Variants in RAB38 observed in about 807,000 individuals in gnomAD.
RAB38 encodes the protein RAB38, member RAS oncogene family, also known as ras-related protein Rab-38.
In RAB38, 15 loss-of-function variants were observed where a neutral mutation model predicts 18.4. The ratio of observed to expected loss-of-function variants is 0.82; its 90% CI spans 0.55 to 1.26. The LOEUF (loss-of-function observed/expected upper bound fraction) is 1.26. Ranked by LOEUF, RAB38 falls within the 50% of genes most tolerant of loss-of-function variation. RAB38 has a pLI of 0.00. For missense variants in RAB38, 294 were observed against 267.4 expected, an observed-to-expected ratio of 1.10 and a Z score of -0.69; for synonymous variants, 101 against 104.4, an observed-to-expected ratio of 0.97 and a Z score of 0.20.
At chr11:88,020,475 G>T in the RAB38 span, among the ~76,000 whole-genome samples, 2 of 152,146 alleles carry the variant, frequency 1.3e-5, no homozygotes, top group Admixed American at 1.3e-4. Context: ...TAGAGCTAAA[G>T]AGAAATAGAC....
At chr11:87,938,392 G>A in the RAB38 span, among the ~76,000 whole-genome samples, 1 of 152,048 alleles carries the variant, frequency 6.6e-6, no homozygotes, top group Non-Finnish European at 1.5e-5. Context: ...CCACTGGCTG[G>A]TGGGATGAAC....
chr11:87,811,544 G>C, the RAB38 span, among the ~76,000 whole-genome samples: 19 of 152,050 alleles, frequency 1.2e-4, no homozygotes, highest in African/African-American at 4.3e-4. Flanking sequence ...TTTGCTTGCA[G>C]GGCCCTCTAT....
At chr11:87,878,521 G>A in the RAB38 span, among the ~76,000 whole-genome samples, 2 of 151,454 alleles carry the variant, frequency 1.3e-5, no homozygotes, top group Non-Finnish European at 3.0e-5. Context: ...AAGAGGGAGT[G>A]TTCTATGGTT....
the RAB38 span, among the ~76,000 whole-genome samples, chr11:87,821,663 A>G: frequency 6.6e-6 from 1 of 152,164 alleles, no homozygotes; most frequent in Non-Finnish European, 1.5e-5. Context: ...CAGCCTGGCC[A>G]ACATGACAAA....
chr11:88,047,547 A>G, the RAB38 span, among the ~76,000 whole-genome samples: 83 of 152,188 alleles, frequency 5.5e-4, no homozygotes, highest in Non-Finnish European at 6.2e-4. Flanking sequence ...ACACATCAAT[A>G]TTTATACTGA....
the RAB38 span, among the ~76,000 whole-genome samples, chr11:87,873,241 T>C: frequency 6.6e-6 from 1 of 151,662 alleles, no homozygotes; most frequent in African/African-American, 2.4e-5. Flanking sequence ...GTTATCTGTA[T>C]ATCTTCTTTG....
chr11:87,926,585 T>G, the RAB38 span, among the ~76,000 whole-genome samples: 2 of 151,994 alleles, frequency 1.3e-5, no homozygotes, highest in South Asian at 2.1e-4. Context: ...TGGTAATATA[T>G]GGAAGCTTGA....
At chr11:87,888,270 C>T in the RAB38 span, among the ~76,000 whole-genome samples, 1 of 151,844 alleles carries the variant, frequency 6.6e-6, no homozygotes, top group Non-Finnish European at 1.5e-5. Flanking sequence ...TGGCTAATAG[C>T]AGTTGTAAAA....
the RAB38 span, among the ~76,000 whole-genome samples, chr11:87,868,578 GGAGAGAGA>G: frequency 0.021 from 1,227 of 59,194 alleles, 5 homozygotes; most frequent in African/African-American, 0.051. Flanking sequence ...AAGGAGTGAG[GGAGAGAGA>G]GAGAGAGAGA....
chr11:87,966,291 AT>A, the RAB38 span, among the ~76,000 whole-genome samples: 1 of 152,148 alleles, frequency 6.6e-6, no homozygotes, highest in East Asian at 1.9e-4. Flanking sequence ...CCACAAGAAC[AT>A]TGGATCAAGT....
At chr11:88,068,816 T>A in the RAB38 span, among the ~76,000 whole-genome samples, 1 of 152,244 alleles carries the variant, frequency 6.6e-6, no homozygotes, top group Non-Finnish European at 1.5e-5. Context: ...CTTCATTTGA[T>A]GAAAATAAAT....
chr11:88,048,871 G>A, the RAB38 span, among the ~76,000 whole-genome samples: 1 of 152,048 alleles, frequency 6.6e-6, no homozygotes. Context: ...AACCTCCTTA[G>A]GCACTCTGGT....
At chr11:88,142,868 A>G (rs1565215173) in intron 2 of RAB38, among the ~76,000 whole-genome samples, 1 of 152,236 alleles carries the variant, frequency 6.6e-6, no homozygotes. Flanking sequence ...AACTCACCCA[A>G]CAATTCCATG....
chr11:87,977,530 A>AT, the RAB38 span, among the ~76,000 whole-genome samples: 1 of 97,112 alleles, frequency 1.0e-5, no homozygotes, highest in South Asian at 2.8e-4. Flanking sequence ...TAGATAATAT[A>AT]ATTATATCAT....
chr11:88,128,726 T>G (rs1942734169), intron 2 of RAB38, among the ~76,000 whole-genome samples: 1 of 152,216 alleles, frequency 6.6e-6, no homozygotes, highest in African/African-American at 2.4e-5. Flanking sequence ...AGAGAAATCT[T>G]GAGGAAGGAC....
the RAB38 span, among the ~76,000 whole-genome samples, chr11:87,851,645 G>A: frequency 6.6e-6 from 1 of 152,134 alleles, no homozygotes; most frequent in East Asian, 1.9e-4. Flanking sequence ...TGGGGAGGGA[G>A]GGTAGTTTCC....
At chr11:88,051,752 AC>A in the RAB38 span, among the ~76,000 whole-genome samples, 2 of 152,234 alleles carry the variant, frequency 1.3e-5, no homozygotes, top group Admixed American at 6.5e-5. Context: ...ACCTTTTGAA[AC>A]AAAAAATAGA....
the RAB38 span, among the ~76,000 whole-genome samples, chr11:87,961,396 G>T: frequency 6.6e-5 from 10 of 152,130 alleles, no homozygotes; most frequent in Admixed American, 1.3e-4. Context: ...TCCTGAGCTG[G>T]CTGGGGGACA....
the RAB38 span, among the ~76,000 whole-genome samples, chr11:88,016,301 G>A: frequency 6.6e-6 from 1 of 152,050 alleles, no homozygotes; most frequent in Non-Finnish European, 1.5e-5. Flanking sequence ...GTCTCACCTG[G>A]TAACAGTAGA....
Sources: gnomAD v4.1 joint callset for allele counts (sites outside exome capture counted in the v4.1 genomes callset) on GRCh38, gnomAD v4.1.1 for gene constraint, MANE v1.5 for transcripts, NCBI Gene and HGNC (gene_info 2026-07-23, HGNC 2026-07-21) for gene names.